The following ALDH1A1 variants were observed in gnomAD, a reference collection of about 807,000 sequenced individuals.
The protein encoded by ALDH1A1 is aldehyde dehydrogenase 1A1.
In ALDH1A1, 19 loss-of-function variants were observed where a neutral mutation model predicts 62.1. The observed-to-expected ratio is 0.31, with a 90% CI of 0.21 to 0.45. The LOEUF (loss-of-function observed/expected upper bound fraction) is 0.45, where lower values mean the gene tolerates loss of function less well. ALDH1A1 is among the 20% of genes least tolerant of loss of function. The pLI is 1.00. For synonymous variants in ALDH1A1, 231 were observed against 215.9 expected (o/e 1.07, Z -0.61); for missense variants, 521 against 607.1 (o/e 0.86, Z 1.49).
chr9:72,924,796 A>G (rs1394531994), intron 6 of ALDH1A1, among the ~76,000 whole-genome samples: 1 of 152,248 alleles, frequency 6.6e-6, no homozygotes, highest in Non-Finnish European at 1.5e-5. Context: ...TCTTTAAAAG[A>G]TAAGTTCAGT....
At position 72,916,978 on chromosome 9, in the gene ALDH1A1, C is replaced by A. The variant is rs575056227; in HGVS notation, c.977G>T (p.Arg326Leu). The part of the protein sequence containing the change: ...YDEFVRRSVE[R>L]AKKYILGNPL... ...ATTTCCAAGGATATACTTCTTAGCC[C>A]GCTCAACACTCCTTCGAACAAACTC... is the stretch of plus-strand genomic sequence containing the variant. The change falls in exon 9 of 13, where the codon CGG (arginine) becomes CTG (leucine). Residue 326 changes from arginine to leucine, a missense_variant. Arg to Leu is a moderately radical substitution (Grantham distance 102, BLOSUM62 -2). Coordinates refer to ENST00000297785, the MANE Select transcript of ALDH1A1 (RefSeq NM_000689.5). 5.6e-6 allele frequency: 9 copies of A among 1,613,492 alleles called. No individual in the cohort carries two copies. Among genetic ancestry groups the A allele is most frequent in the Admixed American group, 1.7e-5 (1 of 59,948 alleles).
intron 1 of ALDH1A1, among the ~76,000 whole-genome samples, chr9:72,946,090 A>G (rs1830470386): frequency 6.6e-6 from 1 of 151,984 alleles, no homozygotes; most frequent in African/African-American, 2.4e-5. Context: ...GATGATAACA[A>G]AACTTGTCAG....
chr9:72,946,026 A>G (rs1830469370), intron 1 of ALDH1A1, among the ~76,000 whole-genome samples: 1 of 151,992 alleles, frequency 6.6e-6, no homozygotes, highest in Admixed American at 6.6e-5. Context: ...TGTCAGGGAA[A>G]GAGAAAAGAT....
At position 72,915,988 on chromosome 9, in the gene ALDH1A1, C is replaced by T. The variant is rs937598469; in HGVS notation, c.1035+932G>A. Among the ~76,000 whole-genome samples, 16 of 152,120 alleles carry T rather than the reference C, an allele frequency of 1.1e-4. 1 individual carries two copies. The highest frequency in any genetic ancestry group is 3.9e-4 in the African/African-American group (16 of 41,412). ...AGCCTCTAAGCTTAATGTCTAGACT[C>T]CAGAGCAGGATTTCTCGGCAGTTGT... On this transcript the variant is annotated intron_variant, in intron 9 of 12. Coordinates refer to ENST00000297785, the MANE Select transcript of ALDH1A1 (RefSeq NM_000689.5).
rs1438106634 is a variant in ALDH1A1, at chr9:72,901,150, A to C, written c.*58T>G. The C allele has an allele frequency of 3.0e-5, 39 of 1,311,770 alleles. No homozygotes were observed. The highest frequency in any genetic ancestry group is 4.0e-5 in the Non-Finnish European group (37 of 919,728). 81.3% of individuals were successfully genotyped at this position (1,311,770 alleles called of 1,614,324 possible). Reference sequence around the variant, plus strand: ...TTTTGTCTTTAAAATCTACTATATTAGTGACTGTAAGGAGATGCTTAGCTA... The same window carrying C: ...TTTTGTCTTTAAAATCTACTATATTCGTGACTGTAAGGAGATGCTTAGCTA... On this transcript the variant is annotated 3_prime_UTR_variant, in exon 13 of 13. Coordinates refer to ENST00000297785, the MANE Select transcript of ALDH1A1 (RefSeq NM_000689.5).
At chr9:72,912,256 CAG>C in intron 9 of ALDH1A1, 134 bp from the exon 10 acceptor site, 1 of 668,160 alleles carries the variant, frequency 1.5e-6, no homozygotes. Context: ...AAACAGCTAA[CAG>C]AGGTTCAGAT....
chr9:72,936,516 ACCTTCCCAGG>A (rs1830349004), intron 2 of ALDH1A1, among the ~76,000 whole-genome samples: 1 of 152,070 alleles, frequency 6.6e-6, no homozygotes, highest in South Asian at 2.1e-4. Context: ...TGCTTTTCTC[ACCTTCCCAGG>A]CCTGCTAGAG....
intron 7 of ALDH1A1, among the ~76,000 whole-genome samples, chr9:72,922,123 T>C (rs1483757231): frequency 6.6e-6 from 1 of 151,944 alleles, no homozygotes; most frequent in Admixed American, 6.6e-5. Context: ...AATTAAAAAG[T>C]ATGGGAGGAA....
chr9:72,931,809 C>T (rs1170642248), intron 2 of ALDH1A1, among the ~76,000 whole-genome samples: 1 of 152,098 alleles, frequency 6.6e-6, no homozygotes, highest in African/African-American at 2.4e-5. Flanking sequence ...ATCCCTAATC[C>T]GATAAAGAAG....
At chr9:72,945,729 T>G (rs1398368827) in intron 1 of ALDH1A1, among the ~76,000 whole-genome samples, 1 of 151,864 alleles carries the variant, frequency 6.6e-6, no homozygotes, top group African/African-American at 2.4e-5. Flanking sequence ...GAATCAAAGC[T>G]GGATCTCTGG....
intron 7 of ALDH1A1, 140 bp downstream of exon 7, chr9:72,923,879 T>C: frequency 1.8e-6 from 1 of 563,494 alleles, no homozygotes; most frequent in Non-Finnish European, 3.1e-6. Flanking sequence ...TATCCATATG[T>C]TTGAAGGCTA....
intron 11 of ALDH1A1, among the ~76,000 whole-genome samples, chr9:72,907,108 A>G (rs1414755222): frequency 6.6e-6 from 1 of 152,196 alleles, no homozygotes; most frequent in African/African-American, 2.4e-5. Context: ...CTTTGTTAAA[A>G]CACTATCCCA....
intron 1 of ALDH1A1, among the ~76,000 whole-genome samples, chr9:72,950,748 G>A (rs1227625952): frequency 6.6e-6 from 1 of 151,606 alleles, no homozygotes; most frequent in Non-Finnish European, 1.5e-5. Context: ...AATAGTAACA[G>A]AAAAATAACA....
At chr9:72,908,561 AAGAAAG>A (rs1829922994) in intron 11 of ALDH1A1, among the ~76,000 whole-genome samples, 1 of 8,278 alleles carries the variant, frequency 1.2e-4, no homozygotes, top group Non-Finnish European at 3.3e-4. Context: ...AGAAGAAAGA[AAGAAAG>A]AAAGAAAGAA....
At chr9:72,909,128 A>G (rs1829944153) in intron 11 of ALDH1A1, among the ~76,000 whole-genome samples, 3 of 143,026 alleles carry the variant, frequency 2.1e-5, no homozygotes, top group African/African-American at 7.7e-5. Context: ...TAAAGAAAAT[A>G]TCCTCCCTAA....
rs141842423 is a variant in ALDH1A1, at chr9:72,939,586, C to T, written c.171+562G>A. Among the ~76,000 whole-genome samples, 503 of 147,318 alleles carry T rather than the reference C, an allele frequency of 3.4e-3. 2 individuals are homozygous for T. The highest frequency in any genetic ancestry group is 0.012 in the African/African-American group (464 of 39,950). ...TGGCTGGAGTGCAGTGGTATGATCT[C>T]GGCTCACTGCAACCTCTGCCTCACG... On this transcript the variant is annotated intron_variant, in intron 2 of 12. Coordinates refer to ENST00000297785, the MANE Select transcript of ALDH1A1 (RefSeq NM_000689.5).
Position 72,940,130 on chromosome 9 carries a change from T to G in ALDH1A1, c.171+18A>C. 6.4e-7 allele frequency: 1 copy of G among 1,572,682 alleles called. No individual in the cohort carries two copies. The highest frequency in any genetic ancestry group is 8.8e-7 in the Non-Finnish European group (1 of 1,142,796). Reference sequence around the variant, plus strand: ...CAAGAAACCTGGCATAAAATGAAACTAGTGTTCAGAAACTCACCTTATCTC... The same window carrying G: ...CAAGAAACCTGGCATAAAATGAAACGAGTGTTCAGAAACTCACCTTATCTC... On this transcript the variant is annotated intron_variant, in intron 2 of 12. Coordinates refer to ENST00000297785, the MANE Select transcript of ALDH1A1 (RefSeq NM_000689.5).
At chr9:72,940,821 C>T (rs949409885) in intron 1 of ALDH1A1, among the ~76,000 whole-genome samples, 4 of 152,062 alleles carry the variant, frequency 2.6e-5, no homozygotes, top group East Asian at 1.9e-4. Context: ...CTGGTAATTT[C>T]GTTGTCTTCA....
At chr9:72,914,150 G>A (rs1830028818) in intron 9 of ALDH1A1, among the ~76,000 whole-genome samples, 2 of 152,274 alleles carry the variant, frequency 1.3e-5, no homozygotes, top group South Asian at 4.1e-4. Flanking sequence ...ATTTTAAGGT[G>A]TTTGAATGGG....
Sources: gnomAD v4.1 joint callset for allele counts (sites outside exome capture counted in the v4.1 genomes callset) on GRCh38, gnomAD v4.1.1 for gene constraint, MANE v1.5 for transcripts, NCBI Gene and HGNC (gene_info 2026-07-23, HGNC 2026-07-21) for gene names.